Variants in NOS1AP observed in about 807,000 individuals in gnomAD.
NOS1AP encodes the protein carboxyl-terminal PDZ ligand of neuronal nitric oxide synthase protein.
NOS1AP carries 21 observed loss-of-function variants against 56.2 expected under a neutral mutation model. The ratio of observed to expected loss-of-function variants is 0.37; its 90% CI spans 0.26 to 0.54. The LOEUF (loss-of-function observed/expected upper bound fraction) is 0.54, where lower values mean the gene tolerates loss of function less well. Ranked by LOEUF, NOS1AP falls within the 20% of genes least tolerant of loss-of-function variation. The pLI, the probability that NOS1AP is intolerant of heterozygous loss-of-function variation, is 0.84. For synonymous variants in NOS1AP, 270 were observed against 274.6 expected, an observed-to-expected ratio of 0.98 and a Z score of 0.17; for missense variants, 522 against 657.8, an observed-to-expected ratio of 0.79 and a Z score of 2.26.
chr1:162,355,454 C>T, intron 7 of NOS1AP, 101 bp downstream of exon 7: 1 of 1,443,004 alleles, frequency 6.9e-7, no homozygotes, highest in Non-Finnish European at 9.7e-7. Context: ...GTGAGGCACT[C>T]CATGGCACAG....
intron 2 of NOS1AP, among the ~76,000 whole-genome samples, chr1:162,193,779 T>C (rs1285811817): frequency 6.6e-6 from 1 of 152,172 alleles, no homozygotes; most frequent in Non-Finnish European, 1.5e-5. Flanking sequence ...TCCTGACCCT[T>C]TTTCTAAAGC....
intron 2 of NOS1AP, among the ~76,000 whole-genome samples, chr1:162,238,876 G>A (rs1478522399): frequency 3.3e-5 from 5 of 152,206 alleles, no homozygotes; most frequent in African/African-American, 7.2e-5. Context: ...ATGTTACTCA[G>A]CAAATGTCTC....
At chr1:162,149,156 G>A (rs185916053) in intron 1 of NOS1AP, among the ~76,000 whole-genome samples, 78 of 152,362 alleles carry the variant, frequency 5.1e-4, no homozygotes, top group Admixed American at 8.5e-4. Flanking sequence ...CATCCTGCAG[G>A]AGAGGCAGAT....
At chr1:162,181,816 T>C (rs1193813301) in intron 2 of NOS1AP, among the ~76,000 whole-genome samples, 2 of 152,240 alleles carry the variant, frequency 1.3e-5, no homozygotes, top group Non-Finnish European at 2.9e-5. Context: ...TTTTGTTCAG[T>C]ACTCTCCTTG....
Position 162,204,709 on chromosome 1 carries a change from G to A in NOS1AP, c.177+50233G>A, listed in dbSNP as rs78716329. 2.8e-3 allele frequency among the ~76,000 whole-genome samples: 433 copies of A among 152,322 alleles called. 2 individuals carry two copies. Among genetic ancestry groups the A allele is most frequent in the African/African-American group, 9.8e-3 (409 of 41,576 alleles). The stretch of plus-strand genomic sequence containing the variant: ...AGTGCAGCTGCTGCCAGCTGTTTGC[G>A]TAGTTTTCAAAATGGAACGGAACAG... On this transcript the variant is annotated intron_variant, in intron 2 of 9. Transcript: ENST00000361897.
chr1:162,352,204 C>T (rs561245349), intron 6 of NOS1AP, among the ~76,000 whole-genome samples: 3 of 151,714 alleles, frequency 2.0e-5, no homozygotes, highest in African/African-American at 4.8e-5. Flanking sequence ...GGATTACAGG[C>T]ATGTACCACC....
intron 5 of NOS1AP, among the ~76,000 whole-genome samples, chr1:162,339,244 A>G (rs1332850531): frequency 6.6e-6 from 1 of 152,160 alleles, no homozygotes; most frequent in Non-Finnish European, 1.5e-5. Flanking sequence ...ATCCAGCCTA[A>G]TCTTGACAAT....
At chr1:162,276,279 A>G (rs901241506) in intron 2 of NOS1AP, among the ~76,000 whole-genome samples, 4 of 152,112 alleles carry the variant, frequency 2.6e-5, no homozygotes, top group Non-Finnish European at 5.9e-5. Context: ...TTGTCATAGA[A>G]ATTTGGACGA....
chr1:162,276,063 G>A (rs1654719690), intron 2 of NOS1AP, among the ~76,000 whole-genome samples: 1 of 152,152 alleles, frequency 6.6e-6, no homozygotes, highest in Non-Finnish European at 1.5e-5. Context: ...GAGTTGCATA[G>A]TTGCAACAAA....
At chr1:162,203,757 A>C (rs1160782493) in intron 2 of NOS1AP, among the ~76,000 whole-genome samples, 3 of 152,186 alleles carry the variant, frequency 2.0e-5, no homozygotes, top group Non-Finnish European at 4.4e-5. Context: ...CTAGGGCATA[A>C]AAGCAAGCTC....
At chr1:162,277,694 A>G (rs1030025805) in intron 2 of NOS1AP, among the ~76,000 whole-genome samples, 1 of 152,182 alleles carries the variant, frequency 6.6e-6, no homozygotes, top group African/African-American at 2.4e-5. Flanking sequence ...TCTAGCTCCT[A>G]TTACCTGATT....
chr1:162,112,903 G>A (rs1275796939), intron 1 of NOS1AP, among the ~76,000 whole-genome samples: 1 of 152,106 alleles, frequency 6.6e-6, no homozygotes, highest in African/African-American at 2.4e-5. Context: ...AACTTTATGG[G>A]GTGAATTGCT....
intron 2 of NOS1AP, among the ~76,000 whole-genome samples, chr1:162,268,279 A>G (rs990698698): frequency 6.8e-6 from 1 of 146,652 alleles, no homozygotes; most frequent in African/African-American, 2.6e-5. Flanking sequence ...AAAAGATCTT[A>G]AGTCTTTATA....
At chr1:162,271,997 A>G (rs968874010) in intron 2 of NOS1AP, among the ~76,000 whole-genome samples, 1 of 151,956 alleles carries the variant, frequency 6.6e-6, no homozygotes, top group Non-Finnish European at 1.5e-5. Flanking sequence ...CTCCCACCTC[A>G]GCCTCCTGAG....
At chr1:162,148,868 T>G (rs1476562838) in intron 1 of NOS1AP, among the ~76,000 whole-genome samples, 3 of 152,104 alleles carry the variant, frequency 2.0e-5, no homozygotes, top group Non-Finnish European at 4.4e-5. Flanking sequence ...AATGGCAGTG[T>G]AGACAGAGAG....
At chr1:162,289,025 T>C (rs12030071) in intron 3 of NOS1AP, among the ~76,000 whole-genome samples, 44,137 of 151,938 alleles carry the variant, frequency 0.29, 6,822 homozygotes, top group East Asian at 0.59. Context: ...TCGTGGATGA[T>C]GACAATATGA....
intron 2 of NOS1AP, among the ~76,000 whole-genome samples, chr1:162,249,402 C>T (rs1053981537): frequency 3.9e-5 from 6 of 152,182 alleles, no homozygotes; most frequent in African/African-American, 1.4e-4. Context: ...AGTATGGTCA[C>T]GAAGAGAATC....
intron 2 of NOS1AP, among the ~76,000 whole-genome samples, chr1:162,248,339 T>C (rs1032541079): frequency 1.3e-5 from 2 of 152,180 alleles, no homozygotes; most frequent in Non-Finnish European, 2.9e-5. Flanking sequence ...ATTGATGATA[T>C]TGACTTTCAA....
intron 2 of NOS1AP, among the ~76,000 whole-genome samples, chr1:162,157,624 A>G (rs1469507899): frequency 6.6e-6 from 1 of 152,208 alleles, no homozygotes; most frequent in African/African-American, 2.4e-5. Context: ...ACCTTGGAAA[A>G]CAGCAGTTAT....
Sources: gnomAD v4.1 joint callset for allele counts (sites outside exome capture counted in the v4.1 genomes callset) on GRCh38, gnomAD v4.1.1 for gene constraint, MANE v1.5 for transcripts, NCBI Gene and HGNC (gene_info 2026-07-23, HGNC 2026-07-21) for gene names.